Variants in DEFB107B observed in about 807,000 individuals in gnomAD.
DEFB107B encodes defensin beta 107B, also known as beta-defensin 107.
At chr8:7,497,217 T>A (rs1248665258) in intron 1 of DEFB107B, among the ~76,000 whole-genome samples, 1 of 151,630 alleles carries the variant, frequency 6.6e-6, no homozygotes, top group Admixed American at 6.6e-5. Flanking sequence ...AGCATGGACA[T>A]TGACCTTAAT....
chr8:7,508,223 A>T (rs1407814000), intron 1 of DEFB107B, among the ~76,000 whole-genome samples: 24 of 141,900 alleles, frequency 1.7e-4, no homozygotes, highest in African/African-American at 6.3e-4. Flanking sequence ...TTGAGCAGAA[A>T]TCTAAGCCCC....
At chr8:7,500,451 CCTT>C (rs1381198760) in intron 1 of DEFB107B, among the ~76,000 whole-genome samples, 1 of 39,328 alleles carries the variant, frequency 2.5e-5, no homozygotes, top group Non-Finnish European at 6.4e-5. Flanking sequence ...TATCATCATC[CCTT>C]CTTCCTCAGG....
intron 1 of DEFB107B, among the ~76,000 whole-genome samples, chr8:7,497,240 A>G (rs548717035): frequency 1.3e-5 from 2 of 152,074 alleles, no homozygotes; most frequent in East Asian, 3.9e-4. Context: ...GCTTGAAGTT[A>G]TTAGTCTATT....
chr8:7,496,448 C>T (rs1344044997), intron 1 of DEFB107B, among the ~76,000 whole-genome samples: 5 of 150,666 alleles, frequency 3.3e-5, no homozygotes, highest in South Asian at 2.1e-4. Context: ...TACACGCACC[C>T]GCCACCACGC....
chr8:7,500,508 C>G (rs1811855841), intron 1 of DEFB107B, among the ~76,000 whole-genome samples: 1 of 30,750 alleles, frequency 3.3e-5, no homozygotes, highest in Non-Finnish European at 8.9e-5. Flanking sequence ...TACCCATACA[C>G]TATCATTAAC....
At chr8:7,496,616 A>T (rs1585540269) in intron 1 of DEFB107B, among the ~76,000 whole-genome samples, 4 of 123,234 alleles carry the variant, frequency 3.2e-5, no homozygotes, top group Admixed American at 1.7e-4. Flanking sequence ...TTCTAAAGTG[A>T]TTTCTTTAAA....
intron 1 of DEFB107B, among the ~76,000 whole-genome samples, chr8:7,496,726 C>T (rs1811762382): frequency 7.8e-6 from 1 of 127,536 alleles, no homozygotes; most frequent in Non-Finnish European, 1.6e-5. Flanking sequence ...CTAAATTAAA[C>T]TAAAGTTATG....
chr8:7,497,151 G>T (rs1318927451), intron 1 of DEFB107B, among the ~76,000 whole-genome samples: 2 of 148,210 alleles, frequency 1.3e-5, no homozygotes, highest in East Asian at 4.0e-4. Flanking sequence ...CCACTTGTAA[G>T]AAATTGTTCT....
intron 1 of DEFB107B, among the ~76,000 whole-genome samples, chr8:7,503,461 G>T (rs1310074785): frequency 4.5e-5 from 1 of 22,008 alleles, no homozygotes; most frequent in African/African-American, 8.0e-5. Flanking sequence ...TCTCTTTTTT[G>T]ATTTATTTTA....
chr8:7,497,590 C>T (rs1811802217), intron 1 of DEFB107B, among the ~76,000 whole-genome samples: 1 of 152,110 alleles, frequency 6.6e-6, no homozygotes, highest in Non-Finnish European at 1.5e-5. Flanking sequence ...AAAATCAGTT[C>T]CCGATTTTCT....
intron 1 of DEFB107B, among the ~76,000 whole-genome samples, chr8:7,507,893 G>A (rs546380463): frequency 1.4e-5 from 2 of 146,812 alleles, no homozygotes; most frequent in African/African-American, 5.4e-5. Flanking sequence ...ATGACTAAAA[G>A]TCTGAAGGTA....
intron 1 of DEFB107B, among the ~76,000 whole-genome samples, chr8:7,497,313 A>G (rs1441458026): frequency 5.9e-5 from 9 of 152,250 alleles, no homozygotes; most frequent in Non-Finnish European, 1.2e-4. Flanking sequence ...TACATTTAAC[A>G]TGTATAAGTA....
chr8:7,508,431 TA>T (rs1812001244), intron 1 of DEFB107B, among the ~76,000 whole-genome samples: 1 of 138,144 alleles, frequency 7.2e-6, no homozygotes, highest in African/African-American at 3.1e-5. Context: ...TCTTACCAAT[TA>T]AAAAAGATTC....
At chr8:7,504,271 G>T (rs1414879346) in intron 1 of DEFB107B, among the ~76,000 whole-genome samples, 1 of 27,554 alleles carries the variant, frequency 3.6e-5, no homozygotes, top group African/African-American at 6.9e-5. Flanking sequence ...GGGGACAATT[G>T]TTGTATTGTG....
chr8:7,508,215 G>C (rs1811992310), intron 1 of DEFB107B, among the ~76,000 whole-genome samples: 1 of 141,726 alleles, frequency 7.1e-6, no homozygotes, highest in East Asian at 2.1e-4. Context: ...TCCTTAATTT[G>C]AGCAGAAATC....
rs1310897612 is a variant in DEFB107B at position 7,506,406 on chromosome 8, G to A, written c.71-2675G>A. On this transcript the variant is annotated intron_variant, in intron 1 of 1. Coordinates refer to ENST00000355602, the MANE Select transcript of DEFB107B (RefSeq NM_001040705.2). ...AGGGGTGGGTTGCCCCTACACACCT[G>A]TGGGTGTTTCTTGTAAGGTGGGACG... Among the ~76,000 whole-genome samples, 4 of 15,772 alleles carry A rather than the reference G, an allele frequency of 2.5e-4. 2 individuals carry two copies. Among genetic ancestry groups the A allele is most frequent in the African/African-American group, 6.3e-4 (4 of 6,382 alleles). The allele number at this position is 15,772 out of a possible 152,430, so 10.3% of individuals were successfully genotyped here.
intron 1 of DEFB107B, among the ~76,000 whole-genome samples, chr8:7,496,511 A>C (rs1219539906): frequency 3.3e-5 from 5 of 152,172 alleles, no homozygotes; most frequent in South Asian, 2.1e-4. Context: ...CGTGTTAGCC[A>C]GGATGGTCTT....
chr8:7,496,290 C>CTTTTTTTTT (rs1171104972), intron 1 of DEFB107B, among the ~76,000 whole-genome samples: 12 of 46,876 alleles, frequency 2.6e-4, no homozygotes, highest in Admixed American at 5.2e-4. Context: ...TCAGCATATT[C>CTTTTTTTTT]TTTTTTTTTT....
chr8:7,500,054 C>T (rs1460466841), intron 1 of DEFB107B, among the ~76,000 whole-genome samples: 11 of 57,818 alleles, frequency 1.9e-4, no homozygotes, highest in South Asian at 1.4e-3. Flanking sequence ...CACTTGGACA[C>T]GACTGAGTTT....
Sources: gnomAD v4.1 joint callset for allele counts (sites outside exome capture counted in the v4.1 genomes callset) on GRCh38, gnomAD v4.1.1 for gene constraint, MANE v1.5 for transcripts, NCBI Gene and HGNC (gene_info 2026-07-23, HGNC 2026-07-21) for gene names.